GTF2A1L: variants seen among roughly 807,000 people sequenced by gnomAD.
GTF2A1L encodes general transcription factor IIA subunit 1 like.
In GTF2A1L, 48 loss-of-function variants were observed where a neutral mutation model predicts 49.7. The observed-to-expected ratio is 0.97, with a 90% confidence interval of 0.77 to 1.23. The LOEUF is 1.23. Among genes scored for constraint, GTF2A1L ranks in the 50% most tolerant of loss-of-function variants. The probability of loss-of-function intolerance (pLI) is 0.00; values close to 1 mark genes in which losing one functional copy is unlikely to be tolerated. For synonymous variants in GTF2A1L, 246 were observed against 193.5 expected (o/e 1.27, Z -2.25); for missense variants, 736 against 564.8 (o/e 1.30, Z -3.07).
At chr2:48,641,081 A>G (rs528839283) in intron 3 of GTF2A1L, among the ~76,000 whole-genome samples, 149 of 152,286 alleles carry the variant, frequency 9.8e-4, no homozygotes, top group Non-Finnish European at 1.8e-3. Flanking sequence ...AAAGAGGATG[A>G]TTGTTGCTAT....
intron 4 of GTF2A1L, 37 bp from the exon 5 acceptor site, chr2:48,644,996 C>T (rs199813433): frequency 4.5e-6 from 7 of 1,569,092 alleles, no homozygotes; most frequent in East Asian, 2.3e-5. Context: ...AAGTAAAGTC[C>T]TTTTCTAACT....
chr2:48,650,063 A>G (rs1263602278), intron 6 of GTF2A1L, among the ~76,000 whole-genome samples: 1 of 152,052 alleles, frequency 6.6e-6, no homozygotes, highest in East Asian at 1.9e-4. Context: ...TTCCTTCATT[A>G]TTAAATTGGA....
Position 48,626,670 on chromosome 2 carries a change from G to A in GTF2A1L, c.247+5380G>A, listed in dbSNP as rs879935463. 5.6e-5 allele frequency among the ~76,000 whole-genome samples: 8 copies of A among 143,422 alleles called. 1 individual carries two copies. Among genetic ancestry groups the A allele is most frequent in the Non-Finnish European group, 1.3e-4 (8 of 63,768 alleles). 94.1% of individuals were successfully genotyped at this position (143,422 alleles called of 152,430 possible). ...TCACTGCAGCCTCCACCCCCTGGGC[G>A]CAAGCCATTCTCCCACCTCGGACTC... On this transcript the variant is annotated intron_variant, in intron 3 of 8. Coordinates refer to ENST00000403751, the MANE Select transcript of GTF2A1L (RefSeq NM_006872.5).
At chr2:48,673,082 C>T (rs1679257673) in intron 8 of GTF2A1L, among the ~76,000 whole-genome samples, 1 of 152,092 alleles carries the variant, frequency 6.6e-6, no homozygotes, top group South Asian at 2.1e-4. Flanking sequence ...TCACTTAGCA[C>T]AGTGTTTTCA....
chr2:48,627,026 G>A (rs1676330386), intron 3 of GTF2A1L, among the ~76,000 whole-genome samples: 2 of 143,240 alleles, frequency 1.4e-5, no homozygotes, highest in African/African-American at 5.0e-5. Context: ...TAAATATTTG[G>A]TAGAATTCAG....
intron 8 of GTF2A1L, among the ~76,000 whole-genome samples, chr2:48,676,437 A>G (rs958508669): frequency 6.6e-6 from 1 of 151,802 alleles, no homozygotes; most frequent in Non-Finnish European, 1.5e-5. Flanking sequence ...GCATTTTGCC[A>G]TTGTGAAAGA....
At chr2:48,672,631 C>A (rs1187326240) in intron 8 of GTF2A1L, among the ~76,000 whole-genome samples, 4 of 152,062 alleles carry the variant, frequency 2.6e-5, no homozygotes, top group African/African-American at 9.7e-5. Flanking sequence ...AGGTTTCCAG[C>A]CTAGAGATTA....
At chr2:48,673,261 A>G (rs150993925) in intron 8 of GTF2A1L, among the ~76,000 whole-genome samples, 9 of 151,930 alleles carry the variant, frequency 5.9e-5, no homozygotes, top group Admixed American at 2.6e-4. Context: ...TTCCTTACCC[A>G]TTGCTATTTC....
intron 1 of GTF2A1L, 34 bp from the exon 2 acceptor site, chr2:48,620,817 A>G: frequency 1.7e-6 from 2 of 1,196,996 alleles, no homozygotes; most frequent in East Asian, 3.3e-5. Context: ...AAATAAATAA[A>G]TAAAATGAAA....
At position 48,627,251 on chromosome 2, in the gene GTF2A1L, A is replaced by C. The variant is rs565622071; in HGVS notation, c.247+5961A>C. 1.5e-4 allele frequency among the ~76,000 whole-genome samples: 21 copies of C among 144,460 alleles called. 5 individuals carry two copies. The highest frequency in any genetic ancestry group is 1.1e-3 in the Admixed American group (16 of 14,240). The allele number at this position is 144,460 out of a possible 152,430, so 94.8% of individuals were successfully genotyped here. Reference sequence around the variant, plus strand: ...TTTCAGATAATTGATAACTACACTAAAACTCAACAAATGGTAGTTTCTGAG... The same window carrying C: ...TTTCAGATAATTGATAACTACACTACAACTCAACAAATGGTAGTTTCTGAG... On this transcript the variant is annotated intron_variant, in intron 3 of 8. Transcript: ENST00000403751.
intron 8 of GTF2A1L, among the ~76,000 whole-genome samples, chr2:48,673,365 T>C (rs1483123606): frequency 6.9e-6 from 1 of 145,602 alleles, no homozygotes; most frequent in Non-Finnish European, 1.5e-5. Flanking sequence ...GAAACTTTTT[T>C]TTTTTTTTTT....
intron 8 of GTF2A1L, among the ~76,000 whole-genome samples, chr2:48,675,359 T>A (rs1021841407): frequency 1.3e-5 from 2 of 152,132 alleles, no homozygotes; most frequent in Non-Finnish European, 2.9e-5. Flanking sequence ...CCGTTAAATT[T>A]TGAGAAGCAG....
At chr2:48,661,986 C>A (rs1678529061) in intron 6 of GTF2A1L, among the ~76,000 whole-genome samples, 1 of 152,110 alleles carries the variant, frequency 6.6e-6, no homozygotes, top group Non-Finnish European at 1.5e-5. Flanking sequence ...TCCTTTATTA[C>A]CTTCCTTTGT....
intron 1 of GTF2A1L, among the ~76,000 whole-genome samples, chr2:48,618,894 C>A (rs771271954): frequency 6.6e-6 from 1 of 152,098 alleles, no homozygotes. Flanking sequence ...AAACTGTGTT[C>A]TAATGGGTAC....
intron 8 of GTF2A1L, among the ~76,000 whole-genome samples, chr2:48,674,218 A>G (rs993651526): frequency 6.6e-6 from 1 of 152,206 alleles, no homozygotes; most frequent in Non-Finnish European, 1.5e-5. Context: ...CATTCTTATT[A>G]GCAGTGTTCG....
Position 48,647,018 on chromosome 2 carries a change from C to A in GTF2A1L, c.954C>A (p.Pro318=). Residue 318 remains proline, a synonymous_variant, in exon 6 of 9, where the codon CCC becomes CCA. Coordinates refer to ENST00000403751, the MANE Select transcript of GTF2A1L (RefSeq NM_006872.5). ...AGCAACCAAGAAATATAGAGGAACC[C>A]AGCAACATACCTGTATCAGAGAAGG... ...SVKQPRNIEE[P]SNIPVSEKDS... 1.2e-6 allele frequency: 2 copies of A among 1,611,394 alleles called. No homozygotes were observed. The highest frequency in any genetic ancestry group is 1.7e-6 in the Non-Finnish European group (2 of 1,178,748).
chr2:48,667,501 G>C (rs1678919089), intron 6 of GTF2A1L, among the ~76,000 whole-genome samples: 1 of 152,094 alleles, frequency 6.6e-6, no homozygotes, highest in African/African-American at 2.4e-5. Context: ...TACATTATGG[G>C]CTGTGGGCCC....
chr2:48,647,963 C>T (rs1057023955), intron 6 of GTF2A1L, among the ~76,000 whole-genome samples: 1 of 152,096 alleles, frequency 6.6e-6, no homozygotes, highest in African/African-American at 2.4e-5. Context: ...GTTTAGCCAT[C>T]ATCTAGACCC....
chr2:48,655,027 T>TA (rs1381574660), intron 6 of GTF2A1L, among the ~76,000 whole-genome samples: 2 of 152,174 alleles, frequency 1.3e-5, no homozygotes, highest in African/African-American at 4.8e-5. Flanking sequence ...TGTCAATTTC[T>TA]AAAAAGAAAA....
Sources: allele counts gnomAD v4.1 joint callset (sites outside exome capture counted in the v4.1 genomes callset), GRCh38; gene constraint gnomAD v4.1.1; transcripts MANE v1.5; gene names NCBI Gene and HGNC (gene_info 2026-07-23, HGNC 2026-07-21).